RNF2: variants seen among roughly 807,000 people sequenced by gnomAD.
RNF2 encodes the protein ring finger protein 2, also known as E3 ubiquitin-protein ligase RING2.
Under a neutral mutation model 37.2 loss-of-function variants are expected in RNF2, and 6 were observed. The ratio of observed to expected loss-of-function variants is 0.16; its 90% CI spans 0.09 to 0.32. The LOEUF is 0.32. Among genes scored for constraint, RNF2 ranks in the 10% least tolerant of loss-of-function variants. The pLI is 1.00. For missense variants in RNF2, 251 were observed against 404.0 expected (o/e 0.62, Z 3.25); for synonymous variants, 133 against 132.7 (o/e 1.00, Z -0.02).
intron 1 of RNF2, among the ~76,000 whole-genome samples, chr1:185,047,291 T>A (rs1161500049): frequency 6.6e-6 from 1 of 152,202 alleles, no homozygotes. Context: ...TGTCCTAAAG[T>A]GTGTTGCATA....
chr1:185,067,631 C>T (rs1257403723), intron 1 of RNF2, among the ~76,000 whole-genome samples: 1 of 149,832 alleles, frequency 6.7e-6, no homozygotes, highest in Non-Finnish European at 1.5e-5. Context: ...TTTCATAGTG[C>T]TTAGGGAAGT....
intron 2 of RNF2, among the ~76,000 whole-genome samples, chr1:185,088,461 C>T (rs1360981089): frequency 6.6e-6 from 1 of 151,396 alleles, no homozygotes; most frequent in Non-Finnish European, 1.5e-5. Flanking sequence ...GAGGCTGAGG[C>T]AGGAGAATCA....
chr1:185,082,140 A>C (rs1651432288), intron 1 of RNF2, among the ~76,000 whole-genome samples: 1 of 152,142 alleles, frequency 6.6e-6, no homozygotes, highest in South Asian at 2.1e-4. Context: ...TCAGCTCATG[A>C]GACACCCACT....
chr1:185,075,612 A>G (rs1479521164), intron 1 of RNF2, among the ~76,000 whole-genome samples: 2 of 152,188 alleles, frequency 1.3e-5, no homozygotes, highest in Non-Finnish European at 2.9e-5. Flanking sequence ...ACTTACATTC[A>G]TGGTGGAAGG....
chr1:185,051,879 AATG>A (rs1650283032), intron 1 of RNF2, among the ~76,000 whole-genome samples: 1 of 148,826 alleles, frequency 6.7e-6, no homozygotes, highest in Admixed American at 6.8e-5. Flanking sequence ...TATATGTAAA[AATG>A]TGTGTATGTA....
At chr1:185,097,518 T>C (rs1651945366) in intron 4 of RNF2, among the ~76,000 whole-genome samples, 1 of 152,228 alleles carries the variant, frequency 6.6e-6, no homozygotes, top group Non-Finnish European at 1.5e-5. Context: ...AATTAATTCT[T>C]ATAGTCTTTT....
chr1:185,091,615 C>T lies in RNF2; in HGVS notation c.124C>T (p.Pro42Ser), dbSNP rs1651766848. Reference protein sequence around the residue: ...ITDGLEIVVSPRSLHSELMCP... With the variant: ...ITDGLEIVVSSRSLHSELMCP... ...AGATGGCTTAGAAATTGTGGTTTCA[C>T]CTCGAAGTCTACACAGTGAATTAAT... Residue 42 changes from proline (P) to serine (S), a missense_variant, in exon 3 of 7, where the codon CCT becomes TCT. Physicochemically the swap from Pro to Ser is moderately conservative, Grantham distance 74 (BLOSUM62 -1). Around this residue, in one of 7 missense-constraint regions of RNF2, gnomAD observed 43 missense variants for 82.7 expected, o/e 0.52. Coordinates refer to ENST00000367510, the MANE Select transcript of RNF2 (RefSeq NM_007212.4). 1.9e-6 allele frequency: 3 copies of T among 1,613,998 alleles called. No homozygotes were observed. The highest frequency in any genetic ancestry group is 2.5e-6 in the Non-Finnish European group (3 of 1,180,014).
Position 185,059,721 on chromosome 1 carries a change from C to A in RNF2, c.-3+14072C>A, listed in dbSNP as rs78773191. 3.5e-3 allele frequency among the ~76,000 whole-genome samples: 538 copies of A among 152,192 alleles called. 3 individuals are homozygous for A. Among genetic ancestry groups the A allele is most frequent in the African/African-American group, 0.012 (498 of 41,520 alleles). On this transcript the variant is annotated intron_variant, in intron 1 of 6. Transcript: ENST00000367510. ...CTTGCCTCTGACATTTACTATGAGA[C>A]CATTAAGCACGTTAATAGCATTATT... is the stretch of plus-strand genomic sequence containing the variant.
At chr1:185,087,323 C>G (rs2102194374) in intron 1 of RNF2, among the ~76,000 whole-genome samples, 1 of 152,270 alleles carries the variant, frequency 6.6e-6, no homozygotes, top group East Asian at 1.9e-4. Flanking sequence ...TGTGTCAGAA[C>G]ATGCTGGAAG....
At chr1:185,088,508 A>G (rs1243564546) in intron 2 of RNF2, among the ~76,000 whole-genome samples, 1 of 151,222 alleles carries the variant, frequency 6.6e-6, no homozygotes, top group African/African-American at 2.4e-5. Context: ...GTGAGCCGAG[A>G]TTGCGCCATT....
chr1:185,093,821 C>T (rs1484238704), intron 4 of RNF2, among the ~76,000 whole-genome samples: 1 of 152,092 alleles, frequency 6.6e-6, no homozygotes, highest in Non-Finnish European at 1.5e-5. Context: ...TTTCAATTTC[C>T]CCAACTGTGA....
chr1:185,059,357 G>A (rs1023997361), intron 1 of RNF2, among the ~76,000 whole-genome samples: 5 of 152,090 alleles, frequency 3.3e-5, no homozygotes, highest in Non-Finnish European at 4.4e-5. Flanking sequence ...CCTTAAAACT[G>A]CTAAAAATCT....
intron 1 of RNF2, among the ~76,000 whole-genome samples, chr1:185,072,813 G>A (rs1009736322): frequency 3.9e-5 from 6 of 151,992 alleles, no homozygotes; most frequent in Admixed American, 2.0e-4. Flanking sequence ...AGTGGCACGC[G>A]CCTGTAGTCC....
At chr1:185,076,429 T>C (rs562351035) in intron 1 of RNF2, among the ~76,000 whole-genome samples, 7 of 151,232 alleles carry the variant, frequency 4.6e-5, no homozygotes, top group Non-Finnish European at 8.9e-5. Flanking sequence ...TAGCTGGGAC[T>C]ACAGGCGCGT....
At chr1:185,070,917 G>A (rs1228680730) in intron 1 of RNF2, among the ~76,000 whole-genome samples, 4 of 152,058 alleles carry the variant, frequency 2.6e-5, no homozygotes, top group East Asian at 1.9e-4. Context: ...GATTACAGGC[G>A]TGAGCCACTG....
At position 185,051,953 on chromosome 1, in the gene RNF2, C is replaced by CATATAT. The variant is rs140002491; in HGVS notation, c.-3+6315_-3+6320dup. Among the ~76,000 whole-genome samples the CATATAT allele has an allele frequency of 1.8e-3, 266 of 145,708 alleles. 3 individuals carry two copies. Among genetic ancestry groups the CATATAT allele is most frequent in the Admixed American group, 0.016 (226 of 14,470 alleles). On this transcript the variant is annotated intron_variant, in intron 1 of 6. Coordinates refer to ENST00000367510, the MANE Select transcript of RNF2 (RefSeq NM_007212.4). ...TATACATATTATATATACATTTTTA[C>CATATAT]ATATATATATATATATGCATGCACC...
At chr1:185,089,762 G>T (rs1186863098) in intron 2 of RNF2, among the ~76,000 whole-genome samples, 1 of 152,034 alleles carries the variant, frequency 6.6e-6, no homozygotes, top group Non-Finnish European at 1.5e-5. Flanking sequence ...GGGCGTGGTG[G>T]CTCAGACATG....
At chr1:185,067,775 A>G (rs1023061667) in intron 1 of RNF2, among the ~76,000 whole-genome samples, 2 of 147,928 alleles carry the variant, frequency 1.4e-5, no homozygotes, top group Non-Finnish European at 3.0e-5. Context: ...CAGTGATGCA[A>G]TCTCGGCTCT....
At chr1:185,088,933 C>A (rs1052544311) in intron 2 of RNF2, among the ~76,000 whole-genome samples, 1 of 151,918 alleles carries the variant, frequency 6.6e-6, no homozygotes, top group Non-Finnish European at 1.5e-5. Flanking sequence ...TATGTTGAAT[C>A]CATGCAAATG....
Sources: allele counts gnomAD v4.1 joint callset (sites outside exome capture counted in the v4.1 genomes callset), GRCh38; gene constraint gnomAD v4.1.1; regional missense constraint gnomAD v4.1.1; transcripts MANE v1.5; gene names NCBI Gene and HGNC (gene_info 2026-07-23, HGNC 2026-07-21).